Variants in SDK1 observed in about 807,000 individuals in gnomAD.
SDK1 encodes the protein protein sidekick-1.
Under a neutral mutation model 245.5 loss-of-function variants are expected in SDK1, and 157 were observed. That is an observed-to-expected ratio of 0.64 (90% CI 0.56 to 0.73). The LOEUF (loss-of-function observed/expected upper bound fraction) is 0.73, where lower values mean the gene tolerates loss of function less well. Ranked by LOEUF, SDK1 falls within the 30% of genes least tolerant of loss-of-function variation. SDK1 has a pLI of 0.00. For synonymous variants in SDK1, 1,647 were observed against 1,278.5 expected, an observed-to-expected ratio of 1.29 and a Z score of -6.15; for missense variants, 3,583 against 3,002.3, an observed-to-expected ratio of 1.19 and a Z score of -4.52.
intron 17 of SDK1, among the ~76,000 whole-genome samples, chr7:4,024,653 G>T (rs1412508203): frequency 1.3e-5 from 2 of 152,158 alleles, no homozygotes. Flanking sequence ...GGTCACATAA[G>T]ATAAGCATCA....
chr7:3,438,048 A>G (rs190120855), intron 1 of SDK1, among the ~76,000 whole-genome samples: 34 of 152,298 alleles, frequency 2.2e-4, no homozygotes, highest in Non-Finnish European at 4.1e-4. Context: ...AGATGAAGAA[A>G]TGGACTTGGA....
intron 4 of SDK1, among the ~76,000 whole-genome samples, chr7:3,706,731 T>C (rs1784902457): frequency 6.6e-6 from 1 of 152,142 alleles, no homozygotes; most frequent in East Asian, 1.9e-4. Context: ...ACTCATTCAG[T>C]CTCACTGCTT....
At chr7:3,844,727 CAG>C (rs1780235213) in intron 5 of SDK1, among the ~76,000 whole-genome samples, 1 of 152,178 alleles carries the variant, frequency 6.6e-6, no homozygotes, top group African/African-American at 2.4e-5. Context: ...GAGTGCCACA[CAG>C]AGAACCTCAC....
At position 4,125,446 on chromosome 7, in the gene SDK1, G is replaced by C. The variant is rs568754018; in HGVS notation, c.3824-1935G>C. 2.7e-3 allele frequency among the ~76,000 whole-genome samples: 410 copies of C among 151,302 alleles called. 2 individuals are homozygous for C. The highest frequency in any genetic ancestry group is 9.1e-3 in the African/African-American group (373 of 41,202). On this transcript the variant is annotated intron_variant, in intron 25 of 44. Coordinates refer to ENST00000404826, the MANE Select transcript of SDK1 (RefSeq NM_152744.4). ...GGATGGATGAGTGAATGGATGAATG[G>C]GTGAATGGATGAATGGATGGATGGA... is the stretch of plus-strand genomic sequence containing the variant.
intron 13 of SDK1, among the ~76,000 whole-genome samples, chr7:3,978,891 A>G (rs1390115251): frequency 6.6e-6 from 1 of 152,228 alleles, no homozygotes; most frequent in Non-Finnish European, 1.5e-5. Context: ...CATTAAATAT[A>G]GAAATTACGA....
At chr7:3,621,456 T>G (rs1483194452) in intron 2 of SDK1, among the ~76,000 whole-genome samples, 4 of 152,200 alleles carry the variant, frequency 2.6e-5, no homozygotes, top group Non-Finnish European at 5.9e-5. Context: ...GAATGGAGTT[T>G]CAAAGAACCC....
intron 14 of SDK1, among the ~76,000 whole-genome samples, chr7:4,002,688 A>G (rs6462521): frequency 0.28 from 41,852 of 152,120 alleles, 6,035 homozygotes; most frequent in African/African-American, 0.34. Flanking sequence ...AAATACATAT[A>G]CACACAAAAT....
rs778670141 is a variant in SDK1, at chr7:3,959,010, C to T, written c.1230C>T (p.Ala410=). 3.5e-5 allele frequency: 57 copies of T among 1,612,498 alleles called. 1 individual carries two copies. The South Asian group carries it at 5.4e-4, about 15-fold the overall frequency. The change falls in exon 8 of 45, where the codon GCC becomes GCT. Residue 410 remains alanine, a synonymous_variant. Coordinates refer to ENST00000404826, the MANE Select transcript of SDK1 (RefSeq NM_152744.4). ...VEETVDIGCQ[A]MGVPLPTLQW... is the part of the protein sequence containing the mutation. The stretch of plus-strand genomic sequence containing the variant: ...AAACTGTGGACATCGGATGTCAAGC[C>T]ATGGGTGAGTGCAGAGTGGCTGCTG...
At chr7:4,191,867 C>T (rs1251686880) in intron 35 of SDK1, among the ~76,000 whole-genome samples, 1 of 152,228 alleles carries the variant, frequency 6.6e-6, no homozygotes, top group Non-Finnish European at 1.5e-5. Context: ...CAGGGCCGCG[C>T]GTCACGCACA....
chr7:3,864,906 G>A (rs1357558100), intron 5 of SDK1, among the ~76,000 whole-genome samples: 3 of 152,196 alleles, frequency 2.0e-5, no homozygotes, highest in South Asian at 4.1e-4. Context: ...ACAGATGTGA[G>A]TAAGAAGCAT....
At chr7:4,190,615 GATTCT>G (rs1251847267) in intron 35 of SDK1, among the ~76,000 whole-genome samples, 1 of 152,232 alleles carries the variant, frequency 6.6e-6, no homozygotes, top group Non-Finnish European at 1.5e-5. Flanking sequence ...CGCCGTGGGG[GATTCT>G]CCAATGCGCT....
At chr7:4,209,483 A>T (rs1784402532) in intron 37 of SDK1, among the ~76,000 whole-genome samples, 1 of 152,154 alleles carries the variant, frequency 6.6e-6, no homozygotes, top group Non-Finnish European at 1.5e-5. Context: ...CAGTAGCTCT[A>T]GATATTTCCA....
chr7:4,254,876 C>T (rs1168837983), intron 44 of SDK1, among the ~76,000 whole-genome samples: 2 of 152,120 alleles, frequency 1.3e-5, no homozygotes, highest in Non-Finnish European at 2.9e-5. Flanking sequence ...TGCTGCCTAC[C>T]AGGGATGACT....
chr7:3,593,685 C>T (rs923383348), intron 1 of SDK1, among the ~76,000 whole-genome samples: 4 of 152,132 alleles, frequency 2.6e-5, no homozygotes, highest in African/African-American at 9.7e-5. Context: ...CCCCTCCAAT[C>T]TCCCTTCCCT....
intron 5 of SDK1, among the ~76,000 whole-genome samples, chr7:3,903,204 T>C (rs986251760): frequency 2.0e-5 from 3 of 151,150 alleles, no homozygotes; most frequent in Non-Finnish European, 2.9e-5. Context: ...AGTGCAGTGG[T>C]GTAATCTCGG....
chr7:4,059,896 T>A (rs1305376142), intron 19 of SDK1, among the ~76,000 whole-genome samples: 1 of 151,640 alleles, frequency 6.6e-6, no homozygotes. Flanking sequence ...TTTTTTTTTT[T>A]TGAGACGGAG....
chr7:3,826,690 A>G (rs13246970), intron 5 of SDK1, among the ~76,000 whole-genome samples: 17,757 of 152,190 alleles, frequency 0.12, 1,751 homozygotes, highest in African/African-American at 0.27. Flanking sequence ...TTCTCTGACA[A>G]TGAGAATTTT....
chr7:3,826,325 G>A (rs10235729), intron 5 of SDK1, among the ~76,000 whole-genome samples: 2,281 of 152,280 alleles, frequency 0.015, 53 homozygotes, highest in African/African-American at 0.052. Flanking sequence ...TTTACTTGAC[G>A]TCTCATGGCG....
intron 1 of SDK1, among the ~76,000 whole-genome samples, chr7:3,581,991 G>A (rs1368060824): frequency 1.3e-5 from 2 of 152,200 alleles, no homozygotes; most frequent in African/African-American, 4.8e-5. Flanking sequence ...GCCTACTTGA[G>A]GGTGGAAGCC....
Sources: allele counts gnomAD v4.1 joint callset (sites outside exome capture counted in the v4.1 genomes callset), GRCh38; gene constraint gnomAD v4.1.1; transcripts MANE v1.5; gene names NCBI Gene and HGNC (gene_info 2026-07-23, HGNC 2026-07-21).